GABBR2: variants seen among roughly 807,000 people sequenced by gnomAD.
GABBR2 encodes the protein gamma-aminobutyric acid type B receptor subunit 2.
In GABBR2, 23 loss-of-function variants were observed where a neutral mutation model predicts 105.6. The observed-to-expected ratio is 0.22, with a 90% CI of 0.16 to 0.31. The LOEUF (loss-of-function observed/expected upper bound fraction) is 0.31, where lower values mean the gene tolerates loss of function less well. Ranked by LOEUF, GABBR2 falls within the 10% of genes least tolerant of loss-of-function variation. The probability of loss-of-function intolerance (pLI) is 1.00; values close to 1 mark genes in which losing one functional copy is unlikely to be tolerated. For synonymous variants in GABBR2, 478 were observed against 499.7 expected, an observed-to-expected ratio of 0.96 and a Z score of 0.58; for missense variants, 734 against 1,245.5, an observed-to-expected ratio of 0.59 and a Z score of 6.18.
chr9:98,700,785 A>G (rs1421884343), intron 1 of GABBR2, among the ~76,000 whole-genome samples: 1 of 152,182 alleles, frequency 6.6e-6, no homozygotes, highest in African/African-American at 2.4e-5. Context: ...TTGCAAGTGA[A>G]GGTGGTTAAA....
At chr9:98,304,635 G>C (rs1830521746) in intron 15 of GABBR2, among the ~76,000 whole-genome samples, 1 of 152,202 alleles carries the variant, frequency 6.6e-6, no homozygotes, top group African/African-American at 2.4e-5. Context: ...TGCATGTCCA[G>C]GAGGATGGAG....
chr9:98,464,451 C>T (rs2808548), intron 6 of GABBR2, among the ~76,000 whole-genome samples: 76,301 of 139,732 alleles, frequency 0.55, 20,058 homozygotes, highest in Middle Eastern at 0.58. Context: ...CAAATGGGAA[C>T]TGAGGAGCGC....
rs1448043612 is a variant in GABBR2, at chr9:98,289,403, A to G, written c.*1181T>C. The G allele has an allele frequency of 2.0e-5, 3 of 152,660 alleles. No individual in the cohort carries two copies. The highest frequency in any genetic ancestry group is 2.9e-5 in the Non-Finnish European group (2 of 68,116). The allele number at this position is 152,660 out of a possible 1,614,324, so 9.5% of individuals were successfully genotyped here. A position where few individuals can be genotyped will look rare whatever the true frequency, so the allele number is the denominator to read the frequency against. On this transcript the variant is annotated 3_prime_UTR_variant, in exon 19 of 19. Transcript: ENST00000259455. Reference sequence around the variant, plus strand: ...CCCAGGTCTGTCTGACTCCCAGGCCAGTGCTCTTAGGGGCTCAATTTAAAG... The same window carrying G: ...CCCAGGTCTGTCTGACTCCCAGGCCGGTGCTCTTAGGGGCTCAATTTAAAG...
At chr9:98,531,246 C>G (rs1828061916) in intron 3 of GABBR2, among the ~76,000 whole-genome samples, 1 of 152,212 alleles carries the variant, frequency 6.6e-6, no homozygotes, top group African/African-American at 2.4e-5. Context: ...ACCCTAGCCT[C>G]TCTGAGCGGG....
rs1309000004 is a variant in GABBR2 at position 98,454,180 on chromosome 9, C to G, written c.1037G>C (p.Arg346Pro). ...QQYEREYNNK[R>P]SGVGPSKFHG... ...GAACTTGCTGGGCCCCACGCCTGAC[C>G]GCTTGTTGTTGTACTCTCTCTCATA... Residue 346 changes from arginine (R) to proline (P), a missense_variant, in exon 7 of 19, where the codon CGG (arginine) becomes CCG (proline). Coordinates refer to ENST00000259455, the MANE Select transcript of GABBR2 (RefSeq NM_005458.8). This position sits in a 1 kb window ranked among gnomAD's most constrained non-coding sequence, Gnocchi z 4.6. 2 of 1,613,874 alleles carry G rather than the reference C, an allele frequency of 1.2e-6. No homozygotes were observed. Among genetic ancestry groups the G allele is most frequent in the Non-Finnish European group, 1.7e-6 (2 of 1,179,892 alleles).
intron 3 of GABBR2, among the ~76,000 whole-genome samples, chr9:98,514,971 C>A (rs951876056): frequency 5.3e-5 from 8 of 152,058 alleles, no homozygotes; most frequent in African/African-American, 9.7e-5. Flanking sequence ...TGGCGTGGCA[C>A]CTGGGCCTCA....
intron 13 of GABBR2, among the ~76,000 whole-genome samples, chr9:98,357,607 A>G (rs1831507702): frequency 6.6e-6 from 1 of 152,124 alleles, no homozygotes; most frequent in Non-Finnish European, 1.5e-5. Context: ...TTGCCATTGC[A>G]CTCCAGTCTG....
intron 13 of GABBR2, among the ~76,000 whole-genome samples, chr9:98,325,097 T>G (rs1380667323): frequency 6.6e-6 from 1 of 152,092 alleles, no homozygotes; most frequent in African/African-American, 2.4e-5. Flanking sequence ...CAGTCTTTCT[T>G]TGCATACCTC....
At chr9:98,590,274 T>C (rs1262058251) in intron 1 of GABBR2, among the ~76,000 whole-genome samples, 1 of 152,192 alleles carries the variant, frequency 6.6e-6, no homozygotes, top group Non-Finnish European at 1.5e-5. Context: ...CATCTGCTTC[T>C]AAAAGTCTCC....
chr9:98,406,184 A>C (rs776559474), intron 7 of GABBR2, 43 bp from the exon 8 acceptor site: 14 of 1,225,530 alleles, frequency 1.1e-5, no homozygotes, highest in Non-Finnish European at 1.6e-5. Context: ...TAAAAGAGAA[A>C]TGCCACATTA....
At chr9:98,430,242 A>T (rs1457037243) in intron 7 of GABBR2, among the ~76,000 whole-genome samples, 3 of 150,228 alleles carry the variant, frequency 2.0e-5, no homozygotes, top group African/African-American at 7.4e-5. Context: ...GTGAGCCAAG[A>T]TCATGCCACT....
chr9:98,543,558 C>A (rs1002315465), intron 2 of GABBR2, among the ~76,000 whole-genome samples: 7 of 151,958 alleles, frequency 4.6e-5, no homozygotes, highest in Non-Finnish European at 8.8e-5. Flanking sequence ...AGAGAAGGGG[C>A]CTCACTATGT....
At chr9:98,537,159 AT>A (rs1828197392) in intron 3 of GABBR2, among the ~76,000 whole-genome samples, 1 of 152,098 alleles carries the variant, frequency 6.6e-6, no homozygotes. Context: ...GGGCATCAGG[AT>A]TTTCAAAGCT....
At chr9:98,311,836 C>CA (rs1830640765) in intron 13 of GABBR2, among the ~76,000 whole-genome samples, 1 of 152,218 alleles carries the variant, frequency 6.6e-6, no homozygotes. Flanking sequence ...TTTCCTCCTA[C>CA]AAAGTGCTCT....
intron 7 of GABBR2, among the ~76,000 whole-genome samples, chr9:98,423,182 G>A (rs1373438795): frequency 1.3e-5 from 2 of 152,276 alleles, no homozygotes; most frequent in African/African-American, 4.8e-5. Context: ...CTGAGGAATC[G>A]CCGCACTGAC....
At chr9:98,668,635 C>A (rs1830367832) in intron 1 of GABBR2, among the ~76,000 whole-genome samples, 1 of 152,078 alleles carries the variant, frequency 6.6e-6, no homozygotes, top group African/African-American at 2.4e-5. Context: ...TTTTCATCAC[C>A]CCCAACTAAG....
At chr9:98,413,634 G>T (rs1365270365) in intron 7 of GABBR2, among the ~76,000 whole-genome samples, 1 of 152,216 alleles carries the variant, frequency 6.6e-6, no homozygotes, top group Non-Finnish European at 1.5e-5. Flanking sequence ...AATGGGAGGT[G>T]GGGTCTGTCC....
intron 4 of GABBR2, among the ~76,000 whole-genome samples, chr9:98,485,637 C>G (rs1229974275): frequency 1.3e-5 from 2 of 152,236 alleles, no homozygotes; most frequent in Non-Finnish European, 2.9e-5. Flanking sequence ...TAACAACTCT[C>G]AAGCCCTTTC....
chr9:98,582,793 A>C (rs907674833), intron 1 of GABBR2, among the ~76,000 whole-genome samples: 1 of 152,004 alleles, frequency 6.6e-6, no homozygotes, highest in African/African-American at 2.4e-5. Context: ...AATAGAAAAA[A>C]TTTTCACACT....
Sources: gnomAD v4.1 joint callset for allele counts (sites outside exome capture counted in the v4.1 genomes callset) on GRCh38, gnomAD v4.1.1 for gene constraint, Gnocchi (gnomAD v3.1) non-coding constraint, MANE v1.5 for transcripts, NCBI Gene and HGNC (gene_info 2026-07-23, HGNC 2026-07-21) for gene names.